The following NRCAM variants were observed in gnomAD, a reference collection of about 807,000 sequenced individuals.
The protein encoded by NRCAM is neuronal cell adhesion molecule.
Under a neutral mutation model 156.5 loss-of-function variants are expected in NRCAM, and 83 were observed. The ratio of observed to expected loss-of-function variants is 0.53; its 90% CI spans 0.44 to 0.64. The LOEUF is 0.64. NRCAM is among the 30% of genes least tolerant of loss of function. The pLI, the probability that NRCAM is intolerant of heterozygous loss-of-function variation, is 0.00. For missense variants in NRCAM, 1,417 were observed against 1,597.3 expected (o/e 0.89, Z 1.92); for synonymous variants, 538 against 563.9 (o/e 0.95, Z 0.65).
intron 2 of NRCAM, among the ~76,000 whole-genome samples, chr7:108,351,097 C>A (rs2099409109): frequency 6.6e-6 from 1 of 152,180 alleles, no homozygotes; most frequent in South Asian, 2.1e-4. Context: ...CAATGCAACA[C>A]TGCTGACAAG....
rs571685772 is a variant in NRCAM at position 108,152,173 on chromosome 7, T to C, written c.3678-2026A>G. Among the ~76,000 whole-genome samples, 8 of 152,232 alleles carry C rather than the reference T, an allele frequency of 5.3e-5. No homozygotes were observed. The South Asian group carries it at 1.5e-3, about 28-fold the overall frequency. On this transcript the variant is annotated intron_variant, in intron 32 of 32. Coordinates refer to ENST00000379028, the MANE Select transcript of NRCAM (RefSeq NM_001037132.4). ...AAGAGGATTAGCACTATGCAAAGTA[T>C]AGAGCTGAGTAAAGACTGCAGAAGG... is the stretch of plus-strand genomic sequence containing the variant.
intron 13 of NRCAM, among the ~76,000 whole-genome samples, chr7:108,199,836 A>T (rs73725383): frequency 0.04 from 6,027 of 152,246 alleles, 391 homozygotes; most frequent in African/African-American, 0.14. Context: ...GGATGTAGAC[A>T]TCATGGCGGG....
At chr7:108,159,878 AT>A (rs994524520) in intron 31 of NRCAM, among the ~76,000 whole-genome samples, 21 of 150,898 alleles carry the variant, frequency 1.4e-4, no homozygotes, top group African/African-American at 3.2e-4. Flanking sequence ...TCTCTCACAG[AT>A]TTTTTTTTTC....
chr7:108,284,895 A>C (rs1269688), intron 3 of NRCAM, among the ~76,000 whole-genome samples: 147,784 of 152,328 alleles, frequency 0.97, 71,704 homozygotes, highest in East Asian at 1. Flanking sequence ...TAGCACAGCT[A>C]CTGGCACATA....
chr7:108,278,417 T>A (rs986931039), intron 3 of NRCAM, among the ~76,000 whole-genome samples: 1 of 152,212 alleles, frequency 6.6e-6, no homozygotes, highest in Admixed American at 6.5e-5. Context: ...TCCCTGCCAC[T>A]TTGTTTACAC....
chr7:108,175,228 G>C, intron 28 of NRCAM, 94 bp downstream of exon 28: 1 of 913,120 alleles, frequency 1.1e-6, no homozygotes, highest in South Asian at 2.0e-5. Flanking sequence ...GTGGTTCAAA[G>C]CATATTTTCT....
chr7:108,391,305 T>A (rs896563202), intron 2 of NRCAM, among the ~76,000 whole-genome samples: 1 of 152,202 alleles, frequency 6.6e-6, no homozygotes, highest in Non-Finnish European at 1.5e-5. Flanking sequence ...TCTTGTTGAA[T>A]TGATCCCTTT....
At position 108,243,347 on chromosome 7, in the gene NRCAM, G is replaced by C. The variant is rs1219660634; in HGVS notation, c.-106-3177C>G. On this transcript the variant is annotated intron_variant, in intron 3 of 32. Coordinates refer to ENST00000379028, the MANE Select transcript of NRCAM (RefSeq NM_001037132.4). Reference sequence around the variant, plus strand: ...CTGAAAATCAAATAGAGCTACAGAAGACTGAGATTTCTCTCGATGAGAGTA... The same window carrying C: ...CTGAAAATCAAATAGAGCTACAGAACACTGAGATTTCTCTCGATGAGAGTA... 2.0e-5 allele frequency: 3 copies of C among 152,176 alleles called. No individual in the cohort carries two copies. In the East Asian group the frequency reaches 5.8e-4, roughly 29 times the overall value. 9.4% of individuals were successfully genotyped at this position (152,176 alleles called of 1,614,324 possible).
intron 19 of NRCAM, among the ~76,000 whole-genome samples, chr7:108,191,030 A>G (rs7811487): frequency 0.045 from 6,793 of 152,346 alleles, 496 homozygotes; most frequent in African/African-American, 0.15. Flanking sequence ...ATAATAGCAC[A>G]TGAACTATTT....
chr7:108,351,295 C>T (rs1425627524), intron 2 of NRCAM, among the ~76,000 whole-genome samples: 4 of 152,152 alleles, frequency 2.6e-5, no homozygotes, highest in Non-Finnish European at 5.9e-5. Context: ...GGCTCCAAAC[C>T]TGTAAGTCTT....
At chr7:108,177,854 G>T in intron 26 of NRCAM, 136 bp downstream of exon 26, 1 of 618,024 alleles carries the variant, frequency 1.6e-6, no homozygotes, top group Non-Finnish European at 2.5e-6. Context: ...ATGAATATGC[G>T]AATTCCCCTG....
At chr7:108,158,426 T>C (rs1176229402) in intron 32 of NRCAM, among the ~76,000 whole-genome samples, 1 of 152,314 alleles carries the variant, frequency 6.6e-6, no homozygotes, top group African/African-American at 2.4e-5. Flanking sequence ...CTACATTTTT[T>C]ATCCTTAGGA....
intron 11 of NRCAM, among the ~76,000 whole-genome samples, chr7:108,210,129 T>C (rs2083280126): frequency 6.6e-6 from 1 of 152,218 alleles, no homozygotes; most frequent in African/African-American, 2.4e-5. Context: ...AACTAAGTAA[T>C]AAGGGAAAGA....
intron 2 of NRCAM, among the ~76,000 whole-genome samples, chr7:108,371,177 G>A (rs530885752): frequency 6.6e-6 from 1 of 152,302 alleles, no homozygotes; most frequent in African/African-American, 2.4e-5. Flanking sequence ...TGTAGGATGA[G>A]AATTAATTTT....
At chr7:108,277,637 T>G (rs904579392) in intron 3 of NRCAM, among the ~76,000 whole-genome samples, 2 of 152,120 alleles carry the variant, frequency 1.3e-5, no homozygotes. Flanking sequence ...GCCATTCATC[T>G]AAGCTTTTTT....
intron 1 of NRCAM, among the ~76,000 whole-genome samples, chr7:108,449,191 G>T (rs1480115438): frequency 6.6e-6 from 1 of 152,194 alleles, no homozygotes; most frequent in African/African-American, 2.4e-5. Flanking sequence ...AACATTTCGG[G>T]TGTGCCATCC....
intron 2 of NRCAM, among the ~76,000 whole-genome samples, chr7:108,366,646 C>CA (rs1234953786): frequency 6.6e-6 from 1 of 152,104 alleles, no homozygotes. Context: ...GAAAAGCATG[C>CA]AAAGACTTAA....
chr7:108,448,425 A>G (rs1349701138), intron 1 of NRCAM, among the ~76,000 whole-genome samples: 1 of 152,226 alleles, frequency 6.6e-6, no homozygotes, highest in Non-Finnish European at 1.5e-5. Flanking sequence ...ATCAGAAGAA[A>G]AGACTATGTC....
intron 2 of NRCAM, among the ~76,000 whole-genome samples, chr7:108,330,219 A>G (rs369550405): frequency 4.6e-5 from 7 of 152,360 alleles, no homozygotes; most frequent in African/African-American, 1.7e-4. Context: ...ATATGTTAAC[A>G]TAACCTTTTC....
Sources: gnomAD v4.1 joint callset for allele counts (sites outside exome capture counted in the v4.1 genomes callset) on GRCh38, gnomAD v4.1.1 for gene constraint, MANE v1.5 for transcripts, NCBI Gene and HGNC (gene_info 2026-07-23, HGNC 2026-07-21) for gene names.